The following LDLRAD4 variants were observed in gnomAD, a reference collection of about 807,000 sequenced individuals.
LDLRAD4 encodes the protein low density lipoprotein receptor class A domain containing 4, also known as low-density lipoprotein receptor class A domain-containing protein 4.
In LDLRAD4, 5 loss-of-function variants were observed where a neutral mutation model predicts 17.0. The observed-to-expected ratio is 0.29, with a 90% CI of 0.15 to 0.62. The LOEUF (loss-of-function observed/expected upper bound fraction) is 0.62. Among genes scored for constraint, LDLRAD4 ranks in the 20% least tolerant of loss-of-function variants. LDLRAD4 has a pLI of 0.84. For synonymous variants in LDLRAD4, 168 were observed against 171.8 expected (o/e 0.98, Z 0.17); for missense variants, 340 against 424.7 (o/e 0.80, Z 1.75).
chr18:13,541,683 G>A (rs1203201310), intron 3 of LDLRAD4, among the ~76,000 whole-genome samples: 1 of 152,202 alleles, frequency 6.6e-6, no homozygotes, highest in Non-Finnish European at 1.5e-5. Flanking sequence ...GTTCAGAAAT[G>A]CTCTCTAAAT....
chr18:13,458,117 A>G (rs1049365539), intron 3 of LDLRAD4, among the ~76,000 whole-genome samples: 1 of 152,092 alleles, frequency 6.6e-6, no homozygotes, highest in African/African-American at 2.4e-5. Flanking sequence ...CTGGACCAAG[A>G]CTACAGCCTG....
At chr18:13,551,544 A>G (rs1000737225) in intron 3 of LDLRAD4, among the ~76,000 whole-genome samples, 9 of 152,124 alleles carry the variant, frequency 5.9e-5, no homozygotes, top group Non-Finnish European at 1.3e-4. Context: ...AAAAGACAGG[A>G]TAGATGAAGA....
intron 1 of LDLRAD4, among the ~76,000 whole-genome samples, chr18:13,251,851 A>G (rs2043235895): frequency 6.6e-6 from 1 of 152,226 alleles, no homozygotes; most frequent in African/African-American, 2.4e-5. Flanking sequence ...CTTGAAGAAA[A>G]ATTGTTTATC....
chr18:13,298,728 C>T (rs145481188), intron 1 of LDLRAD4, among the ~76,000 whole-genome samples: 3 of 152,284 alleles, frequency 2.0e-5, no homozygotes, highest in African/African-American at 7.2e-5. Flanking sequence ...GGGCACAGCT[C>T]CTTGGGGGTC....
intron 2 of LDLRAD4, among the ~76,000 whole-genome samples, chr18:13,399,806 C>T (rs1448089568): frequency 2.6e-5 from 4 of 152,208 alleles, no homozygotes; most frequent in Admixed American, 6.5e-5. Flanking sequence ...AAACAAGCCT[C>T]GGATTCTTGA....
chr18:13,319,933 A>G (rs184063575), intron 1 of LDLRAD4, among the ~76,000 whole-genome samples: 1 of 152,342 alleles, frequency 6.6e-6, no homozygotes, highest in Admixed American at 6.5e-5. Context: ...AATTTTTATA[A>G]TAAATGATTC....
At chr18:13,310,206 C>G (rs1869496) in intron 1 of LDLRAD4, among the ~76,000 whole-genome samples, 1 of 147,498 alleles carries the variant, frequency 6.8e-6, no homozygotes, top group Non-Finnish European at 1.5e-5. Context: ...AAAAATTAGC[C>G]GGGTGTGGTG....
intron 1 of LDLRAD4, among the ~76,000 whole-genome samples, chr18:13,343,228 C>T (rs1210153803): frequency 2.9e-5 from 3 of 104,762 alleles, no homozygotes; most frequent in African/African-American, 7.4e-5. Context: ...GCTATCCCTC[C>T]CCCCTCCCCC....
intron 3 of LDLRAD4, among the ~76,000 whole-genome samples, chr18:13,497,780 T>C (rs2093501590): frequency 6.6e-6 from 1 of 152,230 alleles, no homozygotes; most frequent in Non-Finnish European, 1.5e-5. Flanking sequence ...GAAGAAACAC[T>C]TTGTTAGCTG....
intron 3 of LDLRAD4, among the ~76,000 whole-genome samples, chr18:13,552,549 C>G (rs1354453776): frequency 6.6e-6 from 1 of 152,202 alleles, no homozygotes; most frequent in African/African-American, 2.4e-5. Flanking sequence ...GGCCTCCTCT[C>G]TGGTTGCTGG....
intron 1 of LDLRAD4, among the ~76,000 whole-genome samples, chr18:13,386,931 GATAGATAGATAGATAGA>G (rs1568082781): frequency 1.4e-4 from 20 of 143,656 alleles, no homozygotes; most frequent in African/African-American, 5.4e-4. Context: ...TAGATAGATA[GATAGATAGATAGATAGA>G]TGGATGGATG....
chr18:13,454,246 T>A (rs747009379), intron 3 of LDLRAD4, among the ~76,000 whole-genome samples: 3 of 152,152 alleles, frequency 2.0e-5, no homozygotes, highest in Non-Finnish European at 4.4e-5. Flanking sequence ...TAAATTGGAT[T>A]TTATCCTGTT....
At chr18:13,624,500 C>T (rs2040940156) in intron 4 of LDLRAD4, among the ~76,000 whole-genome samples, 3 of 152,230 alleles carry the variant, frequency 2.0e-5, no homozygotes, top group South Asian at 2.1e-4. Context: ...GCCAAGACCC[C>T]GCTGCCATTC....
chr18:13,362,521 C>T (rs2083745659), intron 1 of LDLRAD4: 2 of 152,240 alleles, frequency 1.3e-5, no homozygotes, highest in South Asian at 4.1e-4. Context: ...GCAGGGCAGC[C>T]ATGCGGCCTT....
upstream of LDLRAD4, chr18:13,218,029 C>T (rs2041251853): frequency 5.9e-5 from 9 of 151,502 alleles, 1 homozygote; most frequent in South Asian, 1.8e-3. Context: ...CCCTGGCCAG[C>T]AGGGCCGGTG....
At chr18:13,359,022 G>A (rs946888774) in intron 1 of LDLRAD4, among the ~76,000 whole-genome samples, 4 of 152,088 alleles carry the variant, frequency 2.6e-5, no homozygotes, top group African/African-American at 7.2e-5. Flanking sequence ...AATATCAGGC[G>A]GCTGAAAACC....
At chr18:13,311,591 A>G (rs1484563407) in intron 1 of LDLRAD4, among the ~76,000 whole-genome samples, 3 of 152,270 alleles carry the variant, frequency 2.0e-5, no homozygotes, top group Middle Eastern at 3.4e-3. Flanking sequence ...GATATTTCGT[A>G]GAGGTCTTTA....
intron 1 of LDLRAD4, among the ~76,000 whole-genome samples, chr18:13,321,861 C>CAAAAAAAAAAAAAGAAAA (rs2081242564): frequency 1.6e-5 from 1 of 62,140 alleles, no homozygotes; most frequent in African/African-American, 6.4e-5. Flanking sequence ...GACTCCGTCT[C>CAAAAAAAAAAAAAGAAAA]AAAAAAAAAA....
At chr18:13,412,384 T>C (rs1207200704) in intron 2 of LDLRAD4, among the ~76,000 whole-genome samples, 2 of 152,242 alleles carry the variant, frequency 1.3e-5, no homozygotes, top group African/African-American at 4.8e-5. Context: ...AAATTTCTGC[T>C]CATTTTCAGC....
Sources: gnomAD v4.1 joint callset for allele counts (sites outside exome capture counted in the v4.1 genomes callset) on GRCh38, gnomAD v4.1.1 for gene constraint, MANE v1.5 for transcripts, NCBI Gene and HGNC (gene_info 2026-07-23, HGNC 2026-07-21) for gene names.